SUCLG2: variants seen among roughly 807,000 people sequenced by gnomAD.
The protein encoded by SUCLG2 is succinate--CoA ligase [GDP-forming] subunit beta, mitochondrial.
Under a neutral mutation model 47.9 loss-of-function variants are expected in SUCLG2, and 42 were observed. The ratio of observed to expected loss-of-function variants is 0.88; its 90% CI spans 0.69 to 1.14. SUCLG2 has a LOEUF of 1.14. SUCLG2 is among the 50% of genes most tolerant of loss of function. The pLI, the probability that SUCLG2 is intolerant of heterozygous loss-of-function variation, is 0.00. For synonymous variants in SUCLG2, 195 were observed against 197.3 expected (o/e 0.99, Z 0.10); for missense variants, 571 against 525.9 (o/e 1.09, Z -0.84).
chr3:67,614,989 T>C (rs925960351), intron 1 of SUCLG2, among the ~76,000 whole-genome samples: 1 of 152,162 alleles, frequency 6.6e-6, no homozygotes, highest in Non-Finnish European at 1.5e-5. Context: ...ACTTGTACAA[T>C]ATCCTTGCCA....
chr3:67,483,227 G>C (rs1704963935), intron 9 of SUCLG2, among the ~76,000 whole-genome samples: 1 of 151,544 alleles, frequency 6.6e-6, no homozygotes, highest in Non-Finnish European at 1.5e-5. Flanking sequence ...TATTTAAGTG[G>C]ACAAAACTTA....
chr3:67,403,807 T>C (rs183907300), intron 9 of SUCLG2, among the ~76,000 whole-genome samples: 1 of 152,306 alleles, frequency 6.6e-6, no homozygotes, highest in East Asian at 1.9e-4. Flanking sequence ...TAAGTTAAGA[T>C]GATACAGGTG....
chr3:67,614,753 C>T (rs146543194), intron 1 of SUCLG2, among the ~76,000 whole-genome samples: 4,043 of 152,162 alleles, frequency 0.027, 82 homozygotes, highest in Middle Eastern at 0.061. Context: ...AAAGGGACCA[C>T]TGGGGTCCAA....
intron 9 of SUCLG2, among the ~76,000 whole-genome samples, chr3:67,490,094 T>C (rs1705168138): frequency 6.6e-6 from 1 of 152,312 alleles, no homozygotes; most frequent in Admixed American, 6.5e-5. Flanking sequence ...GGAAGCACTT[T>C]TGGTTTGGAG....
chr3:67,539,742 T>A (rs551249261), intron 2 of SUCLG2, among the ~76,000 whole-genome samples: 3 of 152,268 alleles, frequency 2.0e-5, no homozygotes, highest in Admixed American at 1.3e-4. Context: ...TCAGAACTTG[T>A]TATTGGTATA....
chr3:67,528,255 T>A (rs536316531), intron 3 of SUCLG2, 33 bp from the exon 4 acceptor site: 2 of 1,594,858 alleles, frequency 1.3e-6, no homozygotes, highest in South Asian at 2.2e-5. Context: ...AGAAAATGAA[T>A]GTTTGTTGAA....
At chr3:67,643,563 A>T (rs1046310385) in intron 1 of SUCLG2, among the ~76,000 whole-genome samples, 1 of 152,194 alleles carries the variant, frequency 6.6e-6, no homozygotes, top group Non-Finnish European at 1.5e-5. Flanking sequence ...ATGGGTATGG[A>T]AGCAGAGAAC....
intron 2 of SUCLG2, among the ~76,000 whole-genome samples, chr3:67,578,656 G>A (rs1707805758): frequency 6.6e-6 from 1 of 152,306 alleles, no homozygotes; most frequent in African/African-American, 2.4e-5. Flanking sequence ...GGTTATGGGA[G>A]ATGGGTGTCT....
At chr3:67,398,221 G>C (rs1191697286) in intron 10 of SUCLG2, among the ~76,000 whole-genome samples, 2 of 150,576 alleles carry the variant, frequency 1.3e-5, no homozygotes, top group South Asian at 2.1e-4. Flanking sequence ...ACTACCATCA[G>C]AGTGAACAGG....
intron 10 of SUCLG2, among the ~76,000 whole-genome samples, chr3:67,382,014 T>C (rs1559639013): frequency 6.6e-6 from 1 of 152,218 alleles, no homozygotes; most frequent in Non-Finnish European, 1.5e-5. Flanking sequence ...CTGCCTTTTA[T>C]CATAAGGCTG....
intron 10 of SUCLG2, among the ~76,000 whole-genome samples, chr3:67,396,807 C>G (rs1021802694): frequency 3.9e-5 from 6 of 152,162 alleles, no homozygotes; most frequent in African/African-American, 7.2e-5. Context: ...AGCAGCATAT[C>G]AAAAAGCTTA....
intron 2 of SUCLG2, among the ~76,000 whole-genome samples, chr3:67,573,010 A>G (rs1057177525): frequency 6.6e-6 from 1 of 152,238 alleles, no homozygotes; most frequent in African/African-American, 2.4e-5. Flanking sequence ...GATCAATTGT[A>G]TTTCAACATA....
At chr3:67,572,837 A>G (rs996372494) in intron 2 of SUCLG2, among the ~76,000 whole-genome samples, 15 of 152,208 alleles carry the variant, frequency 9.9e-5, no homozygotes, top group Non-Finnish European at 1.5e-5. Flanking sequence ...AGGAAGGAAA[A>G]AAAAAGGCAT....
At chr3:67,450,002 T>A (rs1168617921) in intron 9 of SUCLG2, among the ~76,000 whole-genome samples, 5 of 149,894 alleles carry the variant, frequency 3.3e-5, no homozygotes, top group African/African-American at 1.2e-4. Context: ...TTCCTATAAA[T>A]TGAAGATAAT....
At chr3:67,486,498 C>G (rs1359031308) in intron 9 of SUCLG2, among the ~76,000 whole-genome samples, 1 of 152,102 alleles carries the variant, frequency 6.6e-6, no homozygotes, top group East Asian at 1.9e-4. Context: ...TTATGAGCCT[C>G]TAGTCACAAT....
At chr3:67,414,062 T>C (rs570995829) in intron 9 of SUCLG2, among the ~76,000 whole-genome samples, 2 of 152,366 alleles carry the variant, frequency 1.3e-5, no homozygotes, top group African/African-American at 4.8e-5. Context: ...CACCTTTTTA[T>C]TTTCATGATT....
intron 1 of SUCLG2, among the ~76,000 whole-genome samples, chr3:67,652,522 A>T (rs1285759380): frequency 1.3e-5 from 2 of 152,212 alleles, no homozygotes; most frequent in Admixed American, 6.5e-5. Flanking sequence ...CATAGGAAGC[A>T]CCCAAGAATT....
chr3:67,527,241 A>G (rs557946937), intron 4 of SUCLG2, among the ~76,000 whole-genome samples: 64 of 152,346 alleles, frequency 4.2e-4, no homozygotes, highest in African/African-American at 1.5e-3. Flanking sequence ...CTGATCTGTG[A>G]CGCTATGTCA....
At chr3:67,443,913 A>G (rs1703843332) in intron 9 of SUCLG2, among the ~76,000 whole-genome samples, 1 of 85,416 alleles carries the variant, frequency 1.2e-5, no homozygotes, top group African/African-American at 3.8e-5. Context: ...CCATCTGGGA[A>G]GTGAGGAGCG....
Sources: allele counts gnomAD v4.1 joint callset (sites outside exome capture counted in the v4.1 genomes callset), GRCh38; gene constraint gnomAD v4.1.1; transcripts MANE v1.5; gene names NCBI Gene and HGNC (gene_info 2026-07-23, HGNC 2026-07-21).